The following LRP1B variants were observed in gnomAD, a reference collection of about 807,000 sequenced individuals.
The protein encoded by LRP1B is low-density lipoprotein receptor-related protein 1B.
Under a neutral mutation model 556.6 loss-of-function variants are expected in LRP1B, and 217 were observed. That is an observed-to-expected ratio of 0.39 (90% CI 0.35 to 0.44). LRP1B has a LOEUF of 0.44. Among genes scored for constraint, LRP1B ranks in the 20% least tolerant of loss-of-function variants. The pLI is 1.00. For missense variants in LRP1B, 5,053 were observed against 5,620.8 expected (o/e 0.90, Z 3.23); for synonymous variants, 2,047 against 1,865.8 (o/e 1.10, Z -2.50).
intron 7 of LRP1B, among the ~76,000 whole-genome samples, chr2:141,175,754 C>T (rs1680705732): frequency 6.6e-6 from 1 of 152,040 alleles, no homozygotes; most frequent in Non-Finnish European, 1.5e-5. Context: ...CCTCCAGACG[C>T]CAGAATGGAA....
Position 140,749,982 on chromosome 2 carries a change from T to A in LRP1B, c.5758+19231A>T, listed in dbSNP as rs376360552. 1.2e-4 allele frequency among the ~76,000 whole-genome samples: 19 copies of A among 152,244 alleles called. 1 individual carries two copies. In the South Asian group the frequency reaches 3.9e-3, roughly 32 times the overall value. ...ACCACTGGGCAATAGAAATTTTTCA[T>A]CTTCGTTATAATCTTATGGGACCAC... On this transcript the variant is annotated intron_variant, in intron 35 of 90. Transcript: ENST00000389484.
At chr2:141,953,732 T>TA (rs1701173432) in intron 1 of LRP1B, among the ~76,000 whole-genome samples, 1 of 152,136 alleles carries the variant, frequency 6.6e-6, no homozygotes, top group Admixed American at 6.5e-5. Flanking sequence ...ATAACATCTT[T>TA]AAAACTCCAC....
intron 41 of LRP1B, among the ~76,000 whole-genome samples, chr2:140,652,506 T>C (rs1489346697): frequency 6.6e-6 from 1 of 152,052 alleles, no homozygotes; most frequent in Non-Finnish European, 1.5e-5. Flanking sequence ...ATTTAATAAC[T>C]ATACTCATTT....
chr2:142,027,461 CAT>C (rs1213876692), intron 1 of LRP1B, among the ~76,000 whole-genome samples: 1 of 151,534 alleles, frequency 6.6e-6, no homozygotes, highest in Non-Finnish European at 1.5e-5. Flanking sequence ...ATGAGGAAGA[CAT>C]ATTTTTACCT....
At chr2:141,464,498 T>C (rs1682084674) in intron 3 of LRP1B, among the ~76,000 whole-genome samples, 1 of 149,994 alleles carries the variant, frequency 6.7e-6, no homozygotes, top group South Asian at 2.1e-4. Flanking sequence ...CTGCAAGCTC[T>C]GCCTCCCGGG....
At chr2:141,189,593 A>G (rs1681407766) in intron 6 of LRP1B, among the ~76,000 whole-genome samples, 1 of 151,976 alleles carries the variant, frequency 6.6e-6, no homozygotes, top group Admixed American at 6.6e-5. Flanking sequence ...GCTTGGTCCC[A>G]ATAAACTCTC....
chr2:141,020,851 GGT>G (rs1003638375), intron 11 of LRP1B, among the ~76,000 whole-genome samples: 41 of 152,040 alleles, frequency 2.7e-4, no homozygotes, highest in Admixed American at 2.6e-3. Flanking sequence ...AGTTACTTAT[GGT>G]CTATTATCAT....
chr2:140,600,767 G>GTTTTTTGTTTT (rs1682625656), intron 42 of LRP1B, among the ~76,000 whole-genome samples: 1 of 56,910 alleles, frequency 1.8e-5, no homozygotes, highest in Non-Finnish European at 3.4e-5. Context: ...GTTCTTCGGG[G>GTTTTTTGTTTT]TTTTTTTTTT....
intron 1 of LRP1B, among the ~76,000 whole-genome samples, chr2:142,070,016 AAC>A (rs1173451163): frequency 2.0e-5 from 3 of 151,784 alleles, no homozygotes; most frequent in Non-Finnish European, 2.9e-5. Flanking sequence ...TTTTAAATGA[AAC>A]AAATTATAGA....
intron 21 of LRP1B, among the ~76,000 whole-genome samples, chr2:140,911,370 T>C (rs1039595618): frequency 6.6e-6 from 1 of 151,800 alleles, no homozygotes. Flanking sequence ...GAGGAAGAGA[T>C]ACTTTTCATT....
chr2:140,392,158 A>G (rs956832071), intron 66 of LRP1B, among the ~76,000 whole-genome samples: 2 of 152,192 alleles, frequency 1.3e-5, no homozygotes, highest in Admixed American at 1.3e-4. Context: ...ACATCAGGCA[A>G]ACCTGTCTTT....
At chr2:140,847,415 C>T (rs1447005965) in intron 29 of LRP1B, among the ~76,000 whole-genome samples, 1 of 152,194 alleles carries the variant, frequency 6.6e-6, no homozygotes, top group Non-Finnish European at 1.5e-5. Flanking sequence ...ATACATCCCT[C>T]TCATTCTGTG....
intron 1 of LRP1B, among the ~76,000 whole-genome samples, chr2:141,923,355 T>G (rs1183381909): frequency 6.8e-6 from 1 of 146,702 alleles, no homozygotes; most frequent in East Asian, 2.0e-4. Context: ...GATAAAGCTT[T>G]TAATGCCAGG....
chr2:140,923,756 A>G (rs1235401060), intron 20 of LRP1B, among the ~76,000 whole-genome samples: 1 of 152,062 alleles, frequency 6.6e-6, no homozygotes, highest in Non-Finnish European at 1.5e-5. Flanking sequence ...AAGAATTGAA[A>G]TACTAGACAT....
chr2:141,701,193 T>G (rs565652799), intron 2 of LRP1B, among the ~76,000 whole-genome samples: 1 of 151,992 alleles, frequency 6.6e-6, no homozygotes, highest in Non-Finnish European at 1.5e-5. Context: ...TATAAACTTT[T>G]GATGTTTTCT....
chr2:140,340,105 C>A (rs1212019423), intron 77 of LRP1B, among the ~76,000 whole-genome samples: 1 of 150,794 alleles, frequency 6.6e-6, no homozygotes, highest in South Asian at 2.1e-4. Flanking sequence ...CTTCAGTGTT[C>A]TTTAACCTTT....
At chr2:141,587,924 C>G (rs955995712) in intron 2 of LRP1B, among the ~76,000 whole-genome samples, 4 of 152,052 alleles carry the variant, frequency 2.6e-5, no homozygotes, top group African/African-American at 4.8e-5. Context: ...ACGTATACAC[C>G]AAGGTTACTT....
chr2:141,896,094 G>C (rs1177747484), intron 1 of LRP1B, among the ~76,000 whole-genome samples: 8 of 152,054 alleles, frequency 5.3e-5, no homozygotes, highest in Non-Finnish European at 1.0e-4. Flanking sequence ...TAGAGCTTTA[G>C]CATAGTCCTC....
intron 11 of LRP1B, among the ~76,000 whole-genome samples, chr2:141,036,198 G>C (rs774773922): frequency 2.0e-5 from 3 of 151,958 alleles, no homozygotes; most frequent in African/African-American, 4.8e-5. Context: ...CTCTTTGTCA[G>C]AGCATGGGAA....
Sources: gnomAD v4.1 joint callset for allele counts (sites outside exome capture counted in the v4.1 genomes callset) on GRCh38, gnomAD v4.1.1 for gene constraint, MANE v1.5 for transcripts, NCBI Gene and HGNC (gene_info 2026-07-23, HGNC 2026-07-21) for gene names.